Variants in ADCY9 observed in about 807,000 individuals in gnomAD.
ADCY9 encodes the protein adenylate cyclase 9, also known as adenylate cyclase type 9.
A neutral mutation model predicts 101.5 loss-of-function variants in ADCY9; 50 were observed. The ratio of observed to expected loss-of-function variants is 0.49; its 90% CI spans 0.39 to 0.62. The LOEUF (loss-of-function observed/expected upper bound fraction) is 0.62. Ranked by LOEUF, ADCY9 falls within the 20% of genes least tolerant of loss-of-function variation. The pLI is 0.00. For synonymous variants in ADCY9, 905 were observed against 769.3 expected, an observed-to-expected ratio of 1.18 and a Z score of -2.92; for missense variants, 1,662 against 1,800.4, an observed-to-expected ratio of 0.92 and a Z score of 1.39.
At chr16:4,053,727 C>T (rs949229109) in intron 2 of ADCY9, among the ~76,000 whole-genome samples, 2 of 152,174 alleles carry the variant, frequency 1.3e-5, no homozygotes, top group African/African-American at 2.4e-5. Context: ...ACATCAGATG[C>T]GGAGGCCTGG....
chr16:3,979,882 T>C (rs1245199252), intron 7 of ADCY9, among the ~76,000 whole-genome samples: 2 of 152,238 alleles, frequency 1.3e-5, no homozygotes, highest in African/African-American at 4.8e-5. Context: ...GTGTCCCAGC[T>C]ACAAACAGGG....
intron 2 of ADCY9, among the ~76,000 whole-genome samples, chr16:4,032,404 G>A (rs2056561909): frequency 6.6e-6 from 1 of 152,186 alleles, no homozygotes; most frequent in Non-Finnish European, 1.5e-5. Context: ...CTGCTGGGTG[G>A]CTGGCTGTGC....
intron 2 of ADCY9, among the ~76,000 whole-genome samples, chr16:4,054,931 C>G (rs181535116): frequency 2.6e-5 from 4 of 152,138 alleles, no homozygotes; most frequent in Non-Finnish European, 5.9e-5. Context: ...CAACACCACT[C>G]GAGATTTTAG....
At chr16:4,013,264 AG>A (rs2056415820) in intron 2 of ADCY9, among the ~76,000 whole-genome samples, 5 of 150,050 alleles carry the variant, frequency 3.3e-5, no homozygotes, top group African/African-American at 1.2e-4. Context: ...AAAAAGAAAA[AG>A]AAAAACAAGC....
At chr16:3,954,787 G>A (rs2055898788) in intron 5 of ADCY9, among the ~76,000 whole-genome samples, 1 of 152,184 alleles carries the variant, frequency 6.6e-6, no homozygotes. Flanking sequence ...GATTACTGTG[G>A]ACACAGATGG....
chr16:3,979,976 TG>T (rs2056127013), intron 7 of ADCY9, among the ~76,000 whole-genome samples: 2 of 152,252 alleles, frequency 1.3e-5, no homozygotes, highest in African/African-American at 4.8e-5. Flanking sequence ...CTCTGCTGTT[TG>T]GGGCATCATC....
Position 3,964,538 on chromosome 16 carries a change from G to C in ADCY9, c.*1237C>G, listed in dbSNP as rs534306543. 1 of 152,306 alleles carries C rather than the reference G, an allele frequency of 6.6e-6. No individual in the cohort carries two copies. The highest frequency in any genetic ancestry group is 2.4e-5 in the African/African-American group (1 of 41,440). The allele number at this position is 152,306 out of a possible 1,614,324, so 9.4% of individuals were successfully genotyped here. A position where few individuals can be genotyped will look rare whatever the true frequency, so the allele number is the denominator to read the frequency against. On this transcript the variant is annotated 3_prime_UTR_variant, in exon 11 of 11. Transcript: ENST00000294016. ...GATAGGCCCTGTGCCATCTGAGAGC[G>C]GGAGGCAGCCAAGAAACTTCTGGAA... is the stretch of plus-strand genomic sequence containing the variant.
At chr16:4,110,809 C>G (rs60986038) in intron 2 of ADCY9, among the ~76,000 whole-genome samples, 5,533 of 152,250 alleles carry the variant, frequency 0.036, 349 homozygotes, top group African/African-American at 0.13. Context: ...GGCAGTAACT[C>G]CGGGTGTGGC....
intron 6 of ADCY9, among the ~76,000 whole-genome samples, chr16:3,988,453 G>GGATTCCCTTCCAGGGCAGGTGTGGGGGA (rs756277289): frequency 1.1e-5 from 1 of 92,684 alleles, no homozygotes; most frequent in Non-Finnish European, 2.6e-5. Context: ...CAGGTGGGGG[G>GGATTCCCTTCCAGGGCAGGTGTGGGGGA]TTCCCTTCCA....
chr16:4,085,261 C>G (rs1483648561), intron 2 of ADCY9, among the ~76,000 whole-genome samples: 3 of 152,066 alleles, frequency 2.0e-5, no homozygotes, highest in Non-Finnish European at 4.4e-5. Flanking sequence ...ACTTGGGAAG[C>G]TGAGGTGGAA....
chr16:3,983,103 C>A (rs2056158173), intron 7 of ADCY9, 129 bp downstream of exon 7: 1 of 883,848 alleles, frequency 1.1e-6, no homozygotes, highest in Admixed American at 2.8e-5. Flanking sequence ...GACACGGGGA[C>A]CCATCTCCAG....
rs367980802 is a variant in ADCY9 at position 4,025,375 on chromosome 16, C to CA, written c.1694-17818dup. Among the ~76,000 whole-genome samples, 1,258 of 130,334 alleles carry CA rather than the reference C, an allele frequency of 9.7e-3. 38 individuals are homozygous for CA. The highest frequency in any genetic ancestry group is 0.029 in the African/African-American group (1,002 of 34,220). The allele number at this position is 130,334 out of a possible 152,430, so 85.5% of individuals were successfully genotyped here. A position where few individuals can be genotyped will look rare whatever the true frequency, so the allele number is the denominator to read the frequency against. ...GGGCAACAGAGCAAGACTCTGTCTC[C>CA]AAAAAAAAAAAAAAAGAAGTGGATC... On this transcript the variant is annotated intron_variant, in intron 2 of 10. Transcript: ENST00000294016.
chr16:3,972,259 T>G (rs1366589660), intron 10 of ADCY9, among the ~76,000 whole-genome samples: 1 of 151,818 alleles, frequency 6.6e-6, no homozygotes, highest in Non-Finnish European at 1.5e-5. Context: ...AGATGGAGTC[T>G]TGCTCTGTCC....
intron 2 of ADCY9, among the ~76,000 whole-genome samples, chr16:4,044,336 G>C (rs990025234): frequency 1.3e-5 from 2 of 151,056 alleles, no homozygotes; most frequent in African/African-American, 4.9e-5. Context: ...AACAGAGTGA[G>C]ACTCCATCTC....
intron 2 of ADCY9, among the ~76,000 whole-genome samples, chr16:4,088,439 G>A (rs1178780081): frequency 1.3e-5 from 2 of 151,908 alleles, no homozygotes; most frequent in Admixed American, 6.6e-5. Context: ...CTACAGGCAC[G>A]TGCCACCATT....
At chr16:4,109,341 T>C (rs2057099336) in intron 2 of ADCY9, among the ~76,000 whole-genome samples, 1 of 152,168 alleles carries the variant, frequency 6.6e-6, no homozygotes, top group Non-Finnish European at 1.5e-5. Flanking sequence ...GCGATCCTCC[T>C]ATATTATTGA....
chr16:3,983,609 G>C (rs991838243), intron 6 of ADCY9, 169 bp from the exon 7 acceptor site: 3 of 624,486 alleles, frequency 4.8e-6, no homozygotes, highest in East Asian at 2.8e-5. Flanking sequence ...TTTAACACTG[G>C]GGAGTCCAAG....
intron 2 of ADCY9, among the ~76,000 whole-genome samples, chr16:4,108,518 C>T (rs997416873): frequency 4.0e-5 from 6 of 150,786 alleles, no homozygotes; most frequent in South Asian, 2.1e-4. Context: ...GGACTAAAGG[C>T]GCCTGCGACC....
At chr16:4,091,245 T>A (rs1216114362) in intron 2 of ADCY9, among the ~76,000 whole-genome samples, 1 of 152,100 alleles carries the variant, frequency 6.6e-6, no homozygotes, top group East Asian at 1.9e-4. Flanking sequence ...AGCTGATTTT[T>A]CTATTTTTAG....
Sources: allele counts gnomAD v4.1 joint callset (sites outside exome capture counted in the v4.1 genomes callset), GRCh38; gene constraint gnomAD v4.1.1; transcripts MANE v1.5; gene names NCBI Gene and HGNC (gene_info 2026-07-23, HGNC 2026-07-21).